DOCK4: variants seen among roughly 807,000 people sequenced by gnomAD.
DOCK4 encodes the protein dedicator of cytokinesis protein 4.
In DOCK4, 97 loss-of-function variants were observed where a neutral mutation model predicts 268.1. The observed-to-expected ratio is 0.36, with a 90% CI of 0.31 to 0.43. DOCK4 has a LOEUF of 0.43. Ranked by LOEUF, DOCK4 falls within the 20% of genes least tolerant of loss-of-function variation. DOCK4 has a pLI of 1.00. For synonymous variants in DOCK4, 954 were observed against 887.2 expected (o/e 1.08, Z -1.34); for missense variants, 2,145 against 2,455.7 (o/e 0.87, Z 2.67).
chr7:112,058,655 G>C (rs1806071760), intron 1 of DOCK4, among the ~76,000 whole-genome samples: 3 of 152,134 alleles, frequency 2.0e-5, no homozygotes, highest in Admixed American at 1.3e-4. Context: ...CTTGATTGTG[G>C]GTTTGTTTGC....
chr7:112,179,383 A>T (rs947912354), intron 1 of DOCK4, among the ~76,000 whole-genome samples: 1 of 158 alleles, frequency 6.3e-3, no homozygotes, highest in African/African-American at 0.036. Flanking sequence ...CTGTACCTTA[A>T]AAAAAAAAAA....
chr7:112,122,305 C>A (rs887186715), intron 1 of DOCK4, among the ~76,000 whole-genome samples: 37 of 152,180 alleles, frequency 2.4e-4, no homozygotes, highest in African/African-American at 8.9e-4. Context: ...AACTGAAACT[C>A]TATACCCATT....
chr7:112,005,928 C>CTAAG (rs1296550619), intron 1 of DOCK4, among the ~76,000 whole-genome samples: 1 of 152,190 alleles, frequency 6.6e-6, no homozygotes, highest in East Asian at 1.9e-4. Flanking sequence ...AACTGCTTTA[C>CTAAG]TAAGATCTCC....
chr7:112,103,391 C>A (rs1810858758), intron 1 of DOCK4, among the ~76,000 whole-genome samples: 1 of 152,196 alleles, frequency 6.6e-6, no homozygotes, highest in Non-Finnish European at 1.5e-5. Context: ...GCACCTCCTT[C>A]CTCCTTTCTA....
chr7:111,969,200 T>TA (rs1290232409), intron 8 of DOCK4, among the ~76,000 whole-genome samples: 1 of 135,702 alleles, frequency 7.4e-6, no homozygotes, highest in East Asian at 2.1e-4. Flanking sequence ...CCCTAAAACT[T>TA]AGAGTATAAT....
intron 6 of DOCK4, among the ~76,000 whole-genome samples, chr7:111,987,531 G>A (rs1251367807): frequency 6.6e-6 from 1 of 152,110 alleles, no homozygotes; most frequent in East Asian, 1.9e-4. Flanking sequence ...TCGCTCCAAC[G>A]GACCCCTCCC....
chr7:111,954,840 G>T (rs1050017229), intron 8 of DOCK4, among the ~76,000 whole-genome samples: 1 of 152,038 alleles, frequency 6.6e-6, no homozygotes, highest in South Asian at 2.1e-4. Flanking sequence ...TGCTCTCAGG[G>T]TTCGAACCGA....
intron 27 of DOCK4, among the ~76,000 whole-genome samples, chr7:111,815,481 T>A (rs543020926): frequency 6.6e-6 from 1 of 152,328 alleles, no homozygotes; most frequent in Admixed American, 6.5e-5. Context: ...GGTTTCATTC[T>A]TTTACTCATG....
intron 1 of DOCK4, among the ~76,000 whole-genome samples, chr7:112,165,569 T>C (rs893087498): frequency 6.6e-6 from 1 of 151,028 alleles, no homozygotes; most frequent in African/African-American, 2.4e-5. Context: ...TGCGTGTGTG[T>C]GTGTATCCCA....
intron 1 of DOCK4, among the ~76,000 whole-genome samples, chr7:112,087,827 G>T (rs1809244531): frequency 2.0e-5 from 3 of 152,018 alleles, no homozygotes. Context: ...TCAATTATGG[G>T]ACAAAGGAGA....
chr7:112,175,645 A>G (rs1212288545), intron 1 of DOCK4, among the ~76,000 whole-genome samples: 3 of 152,186 alleles, frequency 2.0e-5, no homozygotes, highest in Admixed American at 2.0e-4. Context: ...TGTTGTATAC[A>G]ATTGATAAAC....
intron 15 of DOCK4, among the ~76,000 whole-genome samples, chr7:111,897,560 G>A (rs930568269): frequency 2.6e-5 from 4 of 151,594 alleles, no homozygotes; most frequent in Admixed American, 2.0e-4. Context: ...AGCTGAGAGT[G>A]CACATCTCTC....
intron 1 of DOCK4, among the ~76,000 whole-genome samples, chr7:112,200,983 G>A (rs1200474800): frequency 6.6e-6 from 1 of 151,968 alleles, no homozygotes; most frequent in African/African-American, 2.4e-5. Flanking sequence ...TCCTGTGTCA[G>A]GCTCTAAATG....
chr7:111,869,635 T>C lies in DOCK4; in HGVS notation c.2048A>G (p.Lys683Arg), dbSNP rs375816731. 3.7e-6 allele frequency: 6 copies of C among 1,613,274 alleles called. No individual in the cohort carries two copies. In the African/African-American group the frequency reaches 6.7e-5, roughly 18 times the overall value. ...TTCTGTGATCCGGTCCACGTACCAT[T>C]TGAGCACTTTGATGAGATCTCTAAA... is the stretch of plus-strand genomic sequence containing the variant. Reference protein sequence around the residue: ...LAYRDLIKVLKWYVDRITEAE... With the variant: ...LAYRDLIKVLRWYVDRITEAE... Residue 683 changes from lysine to arginine, a missense_variant, in exon 21 of 53, where the codon AAA becomes AGA. Transcript: ENST00000428084.
intron 8 of DOCK4, among the ~76,000 whole-genome samples, chr7:111,962,104 C>T (rs751020551): frequency 1.3e-5 from 2 of 151,910 alleles, no homozygotes; most frequent in Non-Finnish European, 2.9e-5. Context: ...TTTGTTCTTC[C>T]ATTGCGGAAG....
At chr7:112,090,802 C>T (rs1293547913) in intron 1 of DOCK4, among the ~76,000 whole-genome samples, 1 of 152,140 alleles carries the variant, frequency 6.6e-6, no homozygotes, top group Non-Finnish European at 1.5e-5. Flanking sequence ...GACAGAATTT[C>T]AGAACTGGAG....
chr7:112,116,405 T>C (rs1812176693), intron 1 of DOCK4, among the ~76,000 whole-genome samples: 1 of 152,220 alleles, frequency 6.6e-6, no homozygotes, highest in African/African-American at 2.4e-5. Flanking sequence ...TATCCATTCA[T>C]CCCTTGATGG....
chr7:111,983,441 T>A (rs7787784), intron 7 of DOCK4, among the ~76,000 whole-genome samples: 38,301 of 151,976 alleles, frequency 0.25, 5,503 homozygotes, highest in African/African-American at 0.39. Flanking sequence ...AGATCAAAGT[T>A]CAATTATGCT....
chr7:112,097,966 T>C (rs1261069390), intron 1 of DOCK4, among the ~76,000 whole-genome samples: 1 of 152,194 alleles, frequency 6.6e-6, no homozygotes, highest in Non-Finnish European at 1.5e-5. Flanking sequence ...ATACAAATAG[T>C]ACAGTCTTTC....
Sources: allele counts gnomAD v4.1 joint callset (sites outside exome capture counted in the v4.1 genomes callset), GRCh38; gene constraint gnomAD v4.1.1; transcripts MANE v1.5; gene names NCBI Gene and HGNC (gene_info 2026-07-23, HGNC 2026-07-21).